The following APLP1 variants were observed in gnomAD, a reference collection of about 807,000 sequenced individuals.
APLP1 encodes the protein amyloid beta precursor like protein 1, also known as amyloid beta (A4) precursor-like protein 1.
In APLP1, 46 loss-of-function variants were observed where a neutral mutation model predicts 84.5. The ratio of observed to expected loss-of-function variants is 0.54; its 90% CI spans 0.43 to 0.70. The LOEUF is 0.70. Among genes scored for constraint, APLP1 ranks in the 30% least tolerant of loss-of-function variants. The pLI is 0.00. For synonymous variants in APLP1, 376 were observed against 364.0 expected, an observed-to-expected ratio of 1.03 and a Z score of -0.38; for missense variants, 826 against 900.2, an observed-to-expected ratio of 0.92 and a Z score of 1.05.
intron 14 of APLP1, 74 bp downstream of exon 14, chr19:35,878,728 G>GT: frequency 6.4e-7 from 1 of 1,570,104 alleles, no homozygotes; most frequent in South Asian, 1.1e-5. Context: ...CGAGGGAGGA[G>GT]ATGCTGGGGG....
chr19:35,871,475 T>G, intron 4 of APLP1, 126 bp downstream of exon 4: 1 of 1,382,718 alleles, frequency 7.2e-7, no homozygotes, highest in Admixed American at 1.9e-5. Flanking sequence ...GATCTAAGAA[T>G]TTCATCCCCC....
Position 35,871,725 on chromosome 19 carries a change from C to T in APLP1, c.651C>T (p.Asp217=). ...YVCCPPPGTP[D]PSGTAVGDPS... is the part of the protein sequence containing the mutation. ...GCTGTCCCCCTCCAGGGACCCCCGA[C>T]CCATCTGGGACAGCAGTTGGGTGAG... The change falls in exon 5 of 17, where the codon GAC becomes GAT. Residue 217 remains aspartate (D), a synonymous_variant. Coordinates refer to ENST00000221891, the MANE Select transcript of APLP1 (RefSeq NM_001024807.3). The T allele has an allele frequency of 6.2e-7, 1 of 1,614,098 alleles. No homozygotes were observed. Among genetic ancestry groups the T allele is most frequent in the South Asian group, 1.1e-5 (1 of 91,080 alleles).
In APLP1 at chr19:35,874,708, G is replaced by A. The variant is rs749264192; in HGVS notation, c.1216-33G>A. Reference sequence around the variant, plus strand: ...GAGAGCAGAGGGTGAGAAGGGTCAGGGCGGGCTTGGGCATCCTGTGTCCCT... The same window carrying A: ...GAGAGCAGAGGGTGAGAAGGGTCAGAGCGGGCTTGGGCATCCTGTGTCCCT... On this transcript the variant is annotated intron_variant, in intron 9 of 16. Coordinates refer to ENST00000221891, the MANE Select transcript of APLP1 (RefSeq NM_001024807.3). The surrounding 1 kb of genome is among the most constrained non-coding windows in gnomAD (Gnocchi z 6.4). The A allele has an allele frequency of 1.2e-6, 2 of 1,612,302 alleles. No individual in the cohort carries two copies. Among genetic ancestry groups the A allele is most frequent in the South Asian group, 2.2e-5 (2 of 91,026 alleles).
chr19:35,875,172 T>C (rs952078057), intron 10 of APLP1, among the ~76,000 whole-genome samples: 6 of 150,198 alleles, frequency 4.0e-5, no homozygotes, highest in Non-Finnish European at 8.9e-5. Context: ...TTTTTTTTTT[T>C]TTTTTTTTGA....
At position 35,879,236 on chromosome 19, in the gene APLP1, T is replaced by C; in HGVS notation, c.1857+19T>C. Reference sequence around the variant, plus strand: ...GGTGGAGGTGAGAACCATGGCGTGGTGGAGGTGTGGGAAGAGTTCCTGAGC... The same window carrying C: ...GGTGGAGGTGAGAACCATGGCGTGGCGGAGGTGTGGGAAGAGTTCCTGAGC... On this transcript the variant is annotated intron_variant, in intron 16 of 16. Coordinates refer to ENST00000221891, the MANE Select transcript of APLP1 (RefSeq NM_001024807.3). The C allele has an allele frequency of 6.2e-7, 1 of 1,610,708 alleles. No homozygotes were observed. Among genetic ancestry groups the C allele is most frequent in the Non-Finnish European group, 8.5e-7 (1 of 1,178,478 alleles).
chr19:35,874,752 C>G lies in APLP1; in HGVS notation c.1227C>G (p.Val409=). 6.2e-7 allele frequency: 1 copy of G among 1,613,380 alleles called. No individual in the cohort carries two copies. The highest frequency in any genetic ancestry group is 2.2e-5 in the East Asian group (1 of 44,862). Residue 409 remains valine, a synonymous_variant, in exon 10 of 17, where the codon GTC becomes GTG. Transcript: ENST00000221891. The surrounding 1 kb of genome is among the most constrained non-coding windows in gnomAD (Gnocchi z 6.4). ...LQADPPQAER[V]LLALRRYLRA... Reference sequence around the variant, plus strand: ...TGTCCCTTCCACAGGCGGAGCGTGTCCTGTTGGCCCTGCGGCGCTACCTGC... The same window carrying G: ...TGTCCCTTCCACAGGCGGAGCGTGTGCTGTTGGCCCTGCGGCGCTACCTGC...
chr19:35,868,828 C>T lies in APLP1; in HGVS notation c.147+45C>T. The T allele has an allele frequency of 7.9e-7, 1 of 1,260,576 alleles. No individual in the cohort carries two copies. The allele number at this position is 1,260,576 out of a possible 1,614,324, so 78.1% of individuals were successfully genotyped here. Reference sequence around the variant, plus strand: ...TGGGGGATGGGGGAAGGGGCGGGACCGGGTCTCTGGACGCCGGCGCGGACA... The same window carrying T: ...TGGGGGATGGGGGAAGGGGCGGGACTGGGTCTCTGGACGCCGGCGCGGACA... On this transcript the variant is annotated intron_variant, in intron 1 of 16. Coordinates refer to ENST00000221891, the MANE Select transcript of APLP1 (RefSeq NM_001024807.3). The surrounding 1 kb of genome is among the most constrained non-coding windows in gnomAD (Gnocchi z 5.2).
At chr19:35,870,089 AAGAC>A (rs1974105196) in intron 2 of APLP1, 1 of 475,452 alleles carries the variant, frequency 2.1e-6, no homozygotes, top group African/African-American at 2.1e-5. Context: ...AGGCGGGGCT[AAGAC>A]AGAAAGAGAC....
chr19:35,871,796 G>T, intron 5 of APLP1, 51 bp downstream of exon 5: 17 of 1,613,424 alleles, frequency 1.1e-5, no homozygotes, highest in Non-Finnish European at 1.4e-5. Flanking sequence ...TGAGGCAGGG[G>T]ATGGAAGCCT....
chr19:35,876,770 T>A (rs1974290136), intron 11 of APLP1, among the ~76,000 whole-genome samples, 154 bp downstream of exon 11: 1 of 152,252 alleles, frequency 6.6e-6, no homozygotes, highest in Non-Finnish European at 1.5e-5. Flanking sequence ...TGTTCATGAT[T>A]CTGCCATCCG....
chr19:35,878,051 G>C (rs758082069), intron 12 of APLP1, 31 bp from the exon 13 acceptor site: 2 of 1,609,564 alleles, frequency 1.2e-6, no homozygotes, highest in African/African-American at 1.3e-5. Flanking sequence ...TCTCTTCACT[G>C]TTCCACTCCC....
chr19:35,870,653 G>A (rs1206227544), intron 2 of APLP1: 1 of 475,726 alleles, frequency 2.1e-6, no homozygotes, highest in Admixed American at 4.0e-5. Flanking sequence ...GCATGGTGGT[G>A]CGTGCCTGTA....
intron 2 of APLP1, chr19:35,870,463 C>T: frequency 5.5e-6 from 1 of 182,942 alleles, no homozygotes; most frequent in Non-Finnish European, 1.2e-5. Flanking sequence ...CCTAGGGAAG[C>T]GATGTCCTCA....
rs1225184846 is a variant in APLP1, at chr19:35,872,593, A to T, written c.961A>T (p.Arg321Trp). Residue 321 changes from arginine to tryptophan, a missense_variant, in exon 7 of 17, where the codon AGG (arginine) becomes TGG (tryptophan). Coordinates refer to ENST00000221891, the MANE Select transcript of APLP1 (RefSeq NM_001024807.3). Reference sequence around the variant, plus strand: ...GGCCAAGATGGACCTGGAGGAGCGTAGGATGCGCCAGATTAATGAGGTGAT... The same window carrying T: ...GGCCAAGATGGACCTGGAGGAGCGTTGGATGCGCCAGATTAATGAGGTGAT... ...LRAKMDLEER[R>W]MRQINEVMRE... is the part of the protein sequence containing the mutation. 6.2e-7 allele frequency: 1 copy of T among 1,613,520 alleles called. No individual in the cohort carries two copies. Among genetic ancestry groups the T allele is most frequent in the Middle Eastern group, 1.6e-4 (1 of 6,062 alleles).
intron 2 of APLP1, 97 bp downstream of exon 2, chr19:35,869,907 CT>C (rs1266127738): frequency 6.8e-7 from 1 of 1,460,402 alleles, no homozygotes; most frequent in East Asian, 2.5e-5. Context: ...GGCGTGGAGG[CT>C]GGGGGGCGTG....
In APLP1 at chr19:35,869,790, G is replaced by C. The variant is rs773580599; in HGVS notation, c.271G>C (p.Val91Leu). ...SRRCLRDPQR[V>L]LEYCRQMYPE... ...ACGCTGTCTCCGGGACCCGCAGCGCGTGCTGGAGTACTGCAGACAGGTGGG... is the reference window on the plus strand; with the variant it reads ...ACGCTGTCTCCGGGACCCGCAGCGCCTGCTGGAGTACTGCAGACAGGTGGG... Residue 91 changes from valine (V) to leucine (L), a missense_variant, in exon 2 of 17, where the codon GTG becomes CTG. By Grantham distance (32) the Val-to-Leu change is conservative. Around this residue, in one of 3 missense-constraint regions of APLP1, gnomAD observed 383 missense variants for 378.3 expected, o/e 1.01. Coordinates refer to ENST00000221891, the MANE Select transcript of APLP1 (RefSeq NM_001024807.3). 2 of 1,601,112 alleles carry C rather than the reference G, an allele frequency of 1.2e-6. No individual in the cohort carries two copies. Among genetic ancestry groups the C allele is most frequent in the Non-Finnish European group, 1.7e-6 (2 of 1,175,014 alleles).
chr19:35,873,088 G>A (rs1000770322), intron 7 of APLP1, among the ~76,000 whole-genome samples: 1 of 151,642 alleles, frequency 6.6e-6, no homozygotes, highest in Non-Finnish European at 1.5e-5. Context: ...TTGAACTCCC[G>A]GCGGGAGGAG....
At chr19:35,873,048 C>G (rs536019634) in intron 7 of APLP1, among the ~76,000 whole-genome samples, 1 of 151,754 alleles carries the variant, frequency 6.6e-6, no homozygotes, top group African/African-American at 2.4e-5. Flanking sequence ...TTAGTAGAGA[C>G]AGGGTTTCAC....
At chr19:35,870,072 A>C in intron 2 of APLP1, 1 of 519,264 alleles carries the variant, frequency 1.9e-6, no homozygotes. Context: ...GGGAGTGGCG[A>C]AAGGATAGGC....
Sources: allele counts gnomAD v4.1 joint callset (sites outside exome capture counted in the v4.1 genomes callset), GRCh38; gene constraint gnomAD v4.1.1; regional missense constraint gnomAD v4.1.1; non-coding constraint Gnocchi (gnomAD v3.1); transcripts MANE v1.5; gene names NCBI Gene and HGNC (gene_info 2026-07-23, HGNC 2026-07-21).